FABP12: variants seen among roughly 807,000 people sequenced by gnomAD.
FABP12 encodes the protein fatty acid binding protein 12, also known as fatty acid-binding protein 12.
A neutral mutation model predicts 13.7 loss-of-function variants in FABP12; 19 were observed. That is an observed-to-expected ratio of 1.39 (90% confidence interval 0.97 to 2.04). The LOEUF (loss-of-function observed/expected upper bound fraction) is 2.04. Among genes scored for constraint, FABP12 ranks in the 30% most tolerant of loss-of-function variants. The pLI is 0.00. For synonymous variants in FABP12, 61 were observed against 57.0 expected, an observed-to-expected ratio of 1.07 and a Z score of -0.32; for missense variants, 182 against 164.2, an observed-to-expected ratio of 1.11 and a Z score of -0.59.
At chr8:81,545,975 T>C (rs1809429296) in intron 1 of FABP12, among the ~76,000 whole-genome samples, 1 of 152,190 alleles carries the variant, frequency 6.6e-6, no homozygotes, top group Non-Finnish European at 1.5e-5. Flanking sequence ...ACACAATTAG[T>C]AAGATACCAA....
Position 81,586,626 on chromosome 8 carries a change from C to T in FABP12, c.-185+3427G>A, listed in dbSNP as rs371850124. Among the ~76,000 whole-genome samples, 6 of 152,222 alleles carry T rather than the reference C, an allele frequency of 3.9e-5. No individual in the cohort carries two copies. The East Asian group carries it at 9.6e-4, about 24-fold the overall frequency. On this transcript the variant is annotated intron_variant, in intron 1 of 5. Coordinates refer to the FABP12 transcript ENST00000692030. ...GAGCATTTATTCCTGTCCTTGTTGC[C>T]CACCTGTATGTCTTCTTTTGAGAAG...
chr8:81,529,586 A>C, exon 3 of FABP12: 1 of 1,613,786 alleles, frequency 6.2e-7, no homozygotes, highest in Non-Finnish European at 8.5e-7. Context: ...CAAACGGCCC[A>C]GTTTCCTGCT....
chr8:81,547,513 A>G (rs1809453688), intron 1 of FABP12, among the ~76,000 whole-genome samples: 1 of 152,232 alleles, frequency 6.6e-6, no homozygotes, highest in South Asian at 2.1e-4. Flanking sequence ...TCTTCTTTTT[A>G]GCAGGTACTG....
rs918634413 is a variant in FABP12 at position 81,565,064 on chromosome 8, GA to G, written c.-185+24988del. 4.6e-5 allele frequency among the ~76,000 whole-genome samples: 7 copies of G among 151,358 alleles called. No homozygotes were observed. The South Asian group carries it at 1.5e-3, about 32-fold the overall frequency. On this transcript the variant is annotated intron_variant, in intron 1 of 5. Coordinates refer to the FABP12 transcript ENST00000692030. The stretch of plus-strand genomic sequence containing the variant: ...TCATATCAGACAAAATAGATTTCAA[GA>G]AAAAAAACTATAACAAGAGACAAAG...
intron 3 of FABP12, among the ~76,000 whole-genome samples, chr8:81,527,501 T>C (rs1409517679): frequency 6.6e-6 from 1 of 152,128 alleles, no homozygotes; most frequent in Non-Finnish European, 1.5e-5. Context: ...TAGCTGGGAT[T>C]ACAGGCACAT....
intron 1 of FABP12, among the ~76,000 whole-genome samples, chr8:81,542,465 A>G (rs1235251298): frequency 2.0e-5 from 3 of 152,164 alleles, no homozygotes; most frequent in Non-Finnish European, 4.4e-5. Flanking sequence ...AATGACTTGG[A>G]GGTAATTGAG....
intron 1 of FABP12, among the ~76,000 whole-genome samples, chr8:81,566,863 A>C (rs1021707536): frequency 1.2e-4 from 18 of 152,178 alleles, no homozygotes; most frequent in African/African-American, 4.1e-4. Flanking sequence ...GGAAGAAGTC[A>C]AATTATCCTT....
At chr8:81,585,788 A>T (rs1045702180) in intron 1 of FABP12, among the ~76,000 whole-genome samples, 14 of 152,064 alleles carry the variant, frequency 9.2e-5, no homozygotes, top group Admixed American at 2.6e-4. Context: ...ATAGATCATT[A>T]ACTTCTTTGA....
At chr8:81,565,260 T>G (rs1360446437) in intron 1 of FABP12, among the ~76,000 whole-genome samples, 1 of 152,018 alleles carries the variant, frequency 6.6e-6, no homozygotes, top group Non-Finnish European at 1.5e-5. Context: ...TGCCCCATAT[T>G]CAGAATTAGA....
At chr8:81,571,352 C>T (rs1809928883) in intron 1 of FABP12, among the ~76,000 whole-genome samples, 2 of 152,170 alleles carry the variant, frequency 1.3e-5, no homozygotes, top group Non-Finnish European at 2.9e-5. Flanking sequence ...ACTTGGTCAT[C>T]CCGATGTGGA....
intron 1 of FABP12, among the ~76,000 whole-genome samples, chr8:81,578,032 T>TA (rs964120850): frequency 3.7e-4 from 56 of 152,222 alleles, no homozygotes; most frequent in Non-Finnish European, 6.5e-4. Flanking sequence ...TGTGGTATAT[T>TA]AAAAAATTAT....
intron 1 of FABP12, among the ~76,000 whole-genome samples, chr8:81,554,620 A>T (rs1303353620): frequency 6.6e-6 from 1 of 152,214 alleles, no homozygotes; most frequent in East Asian, 1.9e-4. Flanking sequence ...TACTCACAGT[A>T]TAGCATCTTT....
chr8:81,559,651 G>GTT (rs1809685002), intron 1 of FABP12, among the ~76,000 whole-genome samples: 1 of 152,214 alleles, frequency 6.6e-6, no homozygotes, highest in Non-Finnish European at 1.5e-5. Context: ...CTCAAAGGAT[G>GTT]AGTCTTCCCC....
chr8:81,561,506 A>T (rs1162653116), intron 1 of FABP12, among the ~76,000 whole-genome samples: 2 of 152,234 alleles, frequency 1.3e-5, no homozygotes, highest in South Asian at 2.1e-4. Context: ...TCACCTTCAT[A>T]TGAAGCAAAA....
At chr8:81,552,068 T>C (rs900398495) in intron 1 of FABP12, among the ~76,000 whole-genome samples, 3 of 152,136 alleles carry the variant, frequency 2.0e-5, no homozygotes, top group Non-Finnish European at 4.4e-5. Flanking sequence ...CTGTGACTAA[T>C]GCAAGCAGAG....
At chr8:81,527,103 T>C in exon 4 of FABP12, 3 of 1,605,264 alleles carry the variant, frequency 1.9e-6, no homozygotes, top group Non-Finnish European at 2.6e-6. Flanking sequence ...AGGGACTCCT[T>C]ATCTAAGGTT....
chr8:81,537,348 T>C (rs368732213), upstream of FABP12, among the ~76,000 whole-genome samples: 1 of 152,202 alleles, frequency 6.6e-6, no homozygotes, highest in Non-Finnish European at 1.5e-5. Context: ...GAATGGTTAA[T>C]GAGCCTGTTA....
chr8:81,538,097 G>C (rs144563744), upstream of FABP12, among the ~76,000 whole-genome samples: 1,887 of 152,248 alleles, frequency 0.012, 8 homozygotes, highest in Non-Finnish European at 0.021. Context: ...GCAAGAGCTA[G>C]AGCAAGGGAC....
intron 1 of FABP12, among the ~76,000 whole-genome samples, chr8:81,554,580 A>T (rs367663495): frequency 3.3e-5 from 5 of 152,298 alleles, no homozygotes; most frequent in African/African-American, 7.2e-5. Context: ...CTTGTGTAGG[A>T]GCTGCGACAG....
Sources: gnomAD v4.1 joint callset for allele counts (sites outside exome capture counted in the v4.1 genomes callset) on GRCh38, gnomAD v4.1.1 for gene constraint, MANE v1.5 for transcripts, NCBI Gene and HGNC (gene_info 2026-07-23, HGNC 2026-07-21) for gene names.